Variants in IQSEC3 observed in about 807,000 individuals in gnomAD.
IQSEC3 encodes IQ motif and SEC7 domain-containing protein 3.
In IQSEC3, 50 loss-of-function variants were observed where a neutral mutation model predicts 105.4. The observed-to-expected ratio is 0.47, with a 90% CI of 0.38 to 0.60. The LOEUF is 0.60. Ranked by LOEUF, IQSEC3 falls within the 20% of genes least tolerant of loss-of-function variation. The pLI is 0.00. For synonymous variants in IQSEC3, 708 were observed against 746.0 expected, an observed-to-expected ratio of 0.95 and a Z score of 0.83; for missense variants, 1,415 against 1,630.0, an observed-to-expected ratio of 0.87 and a Z score of 2.27.
At chr12:95,897 T>C (rs1565391671) in intron 1 of IQSEC3, among the ~76,000 whole-genome samples, 1 of 152,186 alleles carries the variant, frequency 6.6e-6, no homozygotes, top group Non-Finnish European at 1.5e-5. Flanking sequence ...ACTTGGGCTG[T>C]TTGCATTTCC....
At chr12:108,447 A>G (rs1165498186) in intron 2 of IQSEC3, among the ~76,000 whole-genome samples, 1 of 152,226 alleles carries the variant, frequency 6.6e-6, no homozygotes, top group Non-Finnish European at 1.5e-5. Flanking sequence ...TGTTTCCATC[A>G]ATGACAGCCT....
In IQSEC3 at chr12:152,620, A is replaced by C. The variant is rs1866547008; in HGVS notation, c.2154-4405A>C. Among the ~76,000 whole-genome samples the C allele has an allele frequency of 6.6e-6, 1 of 152,198 alleles. No individual in the cohort carries two copies. Among genetic ancestry groups the C allele is most frequent in the Non-Finnish European group, 1.5e-5 (1 of 68,040 alleles). On this transcript the variant is annotated intron_variant, in intron 5 of 13. Transcript: ENST00000538872. The surrounding 1 kb of genome is among the most constrained non-coding windows in gnomAD (Gnocchi z 4.8). Reference sequence around the variant, plus strand: ...GAGAAGATGAGGTCATTGCACACATAGTGAAGCACTTAGAGCCATACTCAG... The same window carrying C: ...GAGAAGATGAGGTCATTGCACACATCGTGAAGCACTTAGAGCCATACTCAG...
intron 13 of IQSEC3, chr12:171,489 C>A (rs1938995517): frequency 1.6e-6 from 1 of 626,752 alleles, no homozygotes; most frequent in East Asian, 2.7e-5. Flanking sequence ...ACCTCCCCAG[C>A]AAATGCTCAC....
chr12:173,491 A>C (rs1053788113), intron 13 of IQSEC3, among the ~76,000 whole-genome samples: 1 of 152,146 alleles, frequency 6.6e-6, no homozygotes, highest in African/African-American at 2.4e-5. Context: ...GCTCCGGGAT[A>C]GTTCTGGGCT....
chr12:175,113 C>A lies in IQSEC3; in HGVS notation c.*80C>A. 1 of 1,090,086 alleles carries A rather than the reference C, an allele frequency of 9.2e-7. No homozygotes were observed. Among genetic ancestry groups the A allele is most frequent in the Non-Finnish European group, 1.3e-6 (1 of 784,604 alleles). 67.5% of individuals were successfully genotyped at this position (1,090,086 alleles called of 1,614,324 possible). On this transcript the variant is annotated 3_prime_UTR_variant, in exon 14 of 14. Coordinates refer to ENST00000538872, the MANE Select transcript of IQSEC3 (RefSeq NM_001170738.2). The stretch of plus-strand genomic sequence containing the variant: ...CTGCCCCTCCACTGCTCCCCATACC[C>A]TGGCACGATGCGTTCCTGGTCACTG...
At chr12:126,506 G>A (rs927944422) in intron 3 of IQSEC3, among the ~76,000 whole-genome samples, 1 of 151,624 alleles carries the variant, frequency 6.6e-6, no homozygotes, top group Non-Finnish European at 1.5e-5. Context: ...AAAAGATAAT[G>A]CCTCAGTTTG....
chr12:91,788 A>G (rs1864094630), intron 1 of IQSEC3, among the ~76,000 whole-genome samples: 1 of 151,944 alleles, frequency 6.6e-6, no homozygotes, highest in Non-Finnish European at 1.5e-5. Flanking sequence ...CTCAAAAAAA[A>G]GAAAGAAAGA....
chr12:130,135 G>A (rs57371943), intron 3 of IQSEC3, among the ~76,000 whole-genome samples: 1 of 151,986 alleles, frequency 6.6e-6, no homozygotes, highest in African/African-American at 2.4e-5. Context: ...CTGCTCTGTC[G>A]CAGGCCCTGT....
At chr12:173,184 C>T (rs1159120588) in intron 13 of IQSEC3, among the ~76,000 whole-genome samples, 1 of 152,132 alleles carries the variant, frequency 6.6e-6, no homozygotes, top group African/African-American at 2.4e-5. Flanking sequence ...GCAGGTGGGC[C>T]CCAGCCATGC....
chr12:126,314 G>A (rs61908628), intron 3 of IQSEC3, among the ~76,000 whole-genome samples: 1 of 152,128 alleles, frequency 6.6e-6, no homozygotes, highest in East Asian at 1.9e-4. Flanking sequence ...GGCACCCACA[G>A]GCACAAACGA....
At chr12:166,638 A>C (rs1186658060) in intron 11 of IQSEC3, among the ~76,000 whole-genome samples, 1 of 152,228 alleles carries the variant, frequency 6.6e-6, no homozygotes, top group African/African-American at 2.4e-5. Context: ...ACAGATTCAG[A>C]AACTGAAACA....
At chr12:70,081 T>A (rs1300339942) in intron 1 of IQSEC3, among the ~76,000 whole-genome samples, 1 of 152,258 alleles carries the variant, frequency 6.6e-6, no homozygotes, top group African/African-American at 2.4e-5. Context: ...TTCCTGTGAA[T>A]CCTCCCTCAT....
At chr12:77,108 T>C (rs1209361901) in intron 1 of IQSEC3, among the ~76,000 whole-genome samples, 6 of 152,286 alleles carry the variant, frequency 3.9e-5, no homozygotes, top group African/African-American at 1.4e-4. Flanking sequence ...AGCCTCCGTG[T>C]TTCCCGCGCA....
rs1489272988 is a variant in IQSEC3, at chr12:152,192, AG to A, written c.2154-4831del. On this transcript the variant is annotated intron_variant, in intron 5 of 13. Transcript: ENST00000538872. The surrounding 1 kb of genome is among the most constrained non-coding windows in gnomAD (Gnocchi z 4.8). ...CAAAAAGCACCAGAAAGGGGAAGGCAGGAGGTCAGCGATATGGACCCTGCTG... is the reference window on the plus strand; with the variant it reads ...CAAAAAGCACCAGAAAGGGGAAGGCAGAGGTCAGCGATATGGACCCTGCTG... 6.6e-6 allele frequency among the ~76,000 whole-genome samples: 1 copy of A among 152,232 alleles called. No homozygotes were observed. Among genetic ancestry groups the A allele is most frequent in the East Asian group, 1.9e-4 (1 of 5,194 alleles).
chr12:177,158 TC>T lies in IQSEC3; in HGVS notation c.*2126del. The T allele has an allele frequency of 6.8e-6, 1 of 147,374 alleles. No individual in the cohort carries two copies. 9.1% of individuals were successfully genotyped at this position (147,374 alleles called of 1,614,324 possible). A position where few individuals can be genotyped will look rare whatever the true frequency, so the allele number is the denominator to read the frequency against. On this transcript the variant is annotated 3_prime_UTR_variant, in exon 14 of 14. Coordinates refer to ENST00000538872, the MANE Select transcript of IQSEC3 (RefSeq NM_001170738.2). The surrounding 1 kb of genome is among the most constrained non-coding windows in gnomAD (Gnocchi z 5.3). The stretch of plus-strand genomic sequence containing the variant: ...GGACCCCGTCCCCTGCTCACACAGC[TC>T]TTCAAACTTACCAAGGACAGGCAGG...
chr12:131,952 A>T (rs1865615587), intron 3 of IQSEC3, among the ~76,000 whole-genome samples: 1 of 152,184 alleles, frequency 6.6e-6, no homozygotes, highest in African/African-American at 2.4e-5. Flanking sequence ...GGACAGGATG[A>T]CTAAGACATA....
intron 2 of IQSEC3, among the ~76,000 whole-genome samples, chr12:124,543 C>T (rs1490422106): frequency 6.6e-6 from 1 of 152,222 alleles, no homozygotes; most frequent in African/African-American, 2.4e-5. Flanking sequence ...GACAAGGGAA[C>T]CAAGACTCAG....
intron 3 of IQSEC3, among the ~76,000 whole-genome samples, chr12:126,555 GT>G (rs1377119266): frequency 6.6e-6 from 1 of 151,726 alleles, no homozygotes; most frequent in East Asian, 1.9e-4. Flanking sequence ...GTGTGTGTGT[GT>G]GTGTGTGTGT....
At position 172,488 on chromosome 12, in the gene IQSEC3, T is replaced by C. The variant is rs562053476; in HGVS notation, c.3114+1327T>C. 7.9e-5 allele frequency among the ~76,000 whole-genome samples: 12 copies of C among 152,308 alleles called. 1 individual carries two copies. The East Asian group carries it at 2.3e-3, about 29-fold the overall frequency. On this transcript the variant is annotated intron_variant, in intron 13 of 13. Transcript: ENST00000538872. Reference sequence around the variant, plus strand: ...ACCAACCCCACGCACTCCTCCCTCCTGCCCTAACAGCATATGGCTATCTGC... The same window carrying C: ...ACCAACCCCACGCACTCCTCCCTCCCGCCCTAACAGCATATGGCTATCTGC...
Sources: allele counts gnomAD v4.1 joint callset (sites outside exome capture counted in the v4.1 genomes callset), GRCh38; gene constraint gnomAD v4.1.1; non-coding constraint Gnocchi (gnomAD v3.1); transcripts MANE v1.5; gene names NCBI Gene and HGNC (gene_info 2026-07-23, HGNC 2026-07-21).